ZFAND3: variants seen among roughly 807,000 people sequenced by gnomAD.
The protein encoded by ZFAND3 is AN1-type zinc finger protein 3.
Under a neutral mutation model 29.6 loss-of-function variants are expected in ZFAND3, and 10 were observed. The observed-to-expected ratio is 0.34, with a 90% CI of 0.21 to 0.57. The LOEUF (loss-of-function observed/expected upper bound fraction) is 0.57, where lower values mean the gene tolerates loss of function less well. ZFAND3 is among the 20% of genes least tolerant of loss of function. The pLI is 0.86. For synonymous variants in ZFAND3, 128 were observed against 112.6 expected, an observed-to-expected ratio of 1.14 and a Z score of -0.87; for missense variants, 230 against 304.5, an observed-to-expected ratio of 0.76 and a Z score of 1.82.
chr6:38,061,516 T>C, intron 2 of ZFAND3, 77 bp from the exon 3 acceptor site: 1 of 1,544,880 alleles, frequency 6.5e-7, no homozygotes, highest in East Asian at 2.3e-5. Context: ...ATTTAATTTT[T>C]GTACCAACTT....
At chr6:38,120,272 T>A (rs1445125672) in intron 5 of ZFAND3, among the ~76,000 whole-genome samples, 9 of 148,982 alleles carry the variant, frequency 6.0e-5, no homozygotes, top group African/African-American at 2.0e-4. Flanking sequence ...GCCACAAGAA[T>A]GCCGTCTTCT....
Position 38,064,982 on chromosome 6 carries a change from T to G in ZFAND3, c.295+3207T>G, listed in dbSNP as rs1764314239. On this transcript the variant is annotated intron_variant, in intron 3 of 5. Coordinates refer to ENST00000287218, the MANE Select transcript of ZFAND3 (RefSeq NM_021943.3). ...CTTCATCCACATGGAGATGATAGTT[T>G]AAGCCATAGGTGTTAAGTGAGGTTG... is the stretch of plus-strand genomic sequence containing the variant. Among the ~76,000 whole-genome samples the G allele has an allele frequency of 2.0e-5, 3 of 152,246 alleles. No homozygotes were observed. The South Asian group carries it at 6.2e-4, about 32-fold the overall frequency.
chr6:38,022,897 C>T (rs771050629), intron 2 of ZFAND3, among the ~76,000 whole-genome samples: 15 of 152,196 alleles, frequency 9.9e-5, no homozygotes, highest in Non-Finnish European at 1.9e-4. Flanking sequence ...TAGTATAGTT[C>T]AGCCACTAGC....
At chr6:37,977,867 C>CCTTCCTTCCTTCCTTCCTTCCTTT (rs1762513806) in intron 2 of ZFAND3, among the ~76,000 whole-genome samples, 1 of 134,146 alleles carries the variant, frequency 7.5e-6, no homozygotes, top group Non-Finnish European at 1.6e-5. Context: ...TTCCTTCCTT[C>CCTTCCTTCCTTCCTTCCTTCCTTT]CTTTCCTTCT....
chr6:38,114,773 T>A (rs1765385105), intron 4 of ZFAND3, among the ~76,000 whole-genome samples: 1 of 152,204 alleles, frequency 6.6e-6, no homozygotes, highest in African/African-American at 2.4e-5. Context: ...GGCTGTGGCT[T>A]CTCACTAGAG....
rs542619614 is a variant in ZFAND3 at position 37,895,013 on chromosome 6, T to A, written c.72-34946T>A. Among the ~76,000 whole-genome samples the A allele has an allele frequency of 1.4e-4, 22 of 152,274 alleles. No individual in the cohort carries two copies. In the South Asian group the frequency reaches 4.6e-3, roughly 32 times the overall value. ...TTCTTTGTATTTTTTGTGTTTAGTTTTGTAGAGATTTTTGGATCAAAGGGC... is the reference window on the plus strand; with the variant it reads ...TTCTTTGTATTTTTTGTGTTTAGTTATGTAGAGATTTTTGGATCAAAGGGC... On this transcript the variant is annotated intron_variant, in intron 1 of 5. Transcript: ENST00000287218.
chr6:38,034,115 T>A (rs1763613907), intron 2 of ZFAND3, among the ~76,000 whole-genome samples: 1 of 152,198 alleles, frequency 6.6e-6, no homozygotes, highest in Non-Finnish European at 1.5e-5. Flanking sequence ...CTCAGCTTTT[T>A]AAGAAAAGCC....
intron 1 of ZFAND3, among the ~76,000 whole-genome samples, chr6:37,873,849 C>T (rs1305493294): frequency 1.3e-5 from 2 of 152,084 alleles, no homozygotes; most frequent in South Asian, 2.1e-4. Flanking sequence ...AATACATAAA[C>T]GAATAAGGAA....
intron 1 of ZFAND3, among the ~76,000 whole-genome samples, chr6:37,904,285 G>A (rs1284069042): frequency 6.6e-6 from 1 of 152,134 alleles, no homozygotes; most frequent in East Asian, 1.9e-4. Flanking sequence ...CAGAAGTACC[G>A]TTTTAGAAGG....
chr6:38,003,673 G>GT (rs146304338), intron 2 of ZFAND3: 63,812 of 277,688 alleles, frequency 0.23, 3,125 homozygotes, highest in Non-Finnish European at 0.27. Context: ...TAATTTTTGT[G>GT]TTTTTTTTTT....
At chr6:38,055,172 C>A (rs1004343508) in intron 2 of ZFAND3, among the ~76,000 whole-genome samples, 1 of 152,118 alleles carries the variant, frequency 6.6e-6, no homozygotes, top group Non-Finnish European at 1.5e-5. Context: ...GAAACAAAAA[C>A]CCCTGGCAAC....
At chr6:37,995,074 A>G (rs1398758206) in intron 2 of ZFAND3, among the ~76,000 whole-genome samples, 3 of 152,200 alleles carry the variant, frequency 2.0e-5, no homozygotes, top group Admixed American at 1.3e-4. Flanking sequence ...TTGGGGATAA[A>G]AGCAGAAAGG....
Position 38,153,560 on chromosome 6 carries a change from C to T in ZFAND3, c.*1171C>T, listed in dbSNP as rs530563017. 1.2e-4 allele frequency: 116 copies of T among 985,480 alleles called. No individual in the cohort carries two copies. The highest frequency in any genetic ancestry group is 1.0e-3 in the Middle Eastern group (2 of 1,914). 61.0% of individuals were successfully genotyped at this position (985,480 alleles called of 1,614,324 possible). A position where few individuals can be genotyped will look rare whatever the true frequency, so the allele number is the denominator to read the frequency against. ...GCGGTTTGTGGCTGTGGCCCAGCTC[C>T]GAGAGTGATATTTGCTCTGGTAGGT... is the stretch of plus-strand genomic sequence containing the variant. On this transcript the variant is annotated 3_prime_UTR_variant, in exon 6 of 6. Coordinates refer to ENST00000287218, the MANE Select transcript of ZFAND3 (RefSeq NM_021943.3).
chr6:37,853,501 T>G (rs1384616547), intron 1 of ZFAND3, among the ~76,000 whole-genome samples: 1 of 151,564 alleles, frequency 6.6e-6, no homozygotes, highest in African/African-American at 2.4e-5. Flanking sequence ...CCAGTAACTC[T>G]TACTACTAGA....
intron 3 of ZFAND3, among the ~76,000 whole-genome samples, chr6:38,072,412 A>C (rs1171786459): frequency 6.6e-6 from 1 of 152,188 alleles, no homozygotes; most frequent in Non-Finnish European, 1.5e-5. Context: ...CTAGATTTTC[A>C]AGCAACATCA....
chr6:38,030,024 A>G (rs1385679828), intron 2 of ZFAND3, among the ~76,000 whole-genome samples: 1 of 119,926 alleles, frequency 8.3e-6, no homozygotes, highest in Admixed American at 8.5e-5. Context: ...AACTTTCTTT[A>G]GCATTTCTTG....
rs1763373708 is a variant in ZFAND3 at position 38,022,694 on chromosome 6, TGA to T, written c.113-38897_113-38896del. Among the ~76,000 whole-genome samples, 3 of 152,354 alleles carry T rather than the reference TGA, an allele frequency of 2.0e-5. No individual in the cohort carries two copies. The South Asian group carries it at 6.2e-4, about 32-fold the overall frequency. ...AATGGGGTACAGACTTGATTTTGTT[TGA>T]GTCTAAAGACTTTAACCTTGCTTTT... On this transcript the variant is annotated intron_variant, in intron 2 of 5. Coordinates refer to ENST00000287218, the MANE Select transcript of ZFAND3 (RefSeq NM_021943.3).
At chr6:37,894,996 A>C (rs1401866947) in intron 1 of ZFAND3, among the ~76,000 whole-genome samples, 1 of 151,860 alleles carries the variant, frequency 6.6e-6, no homozygotes, top group Non-Finnish European at 1.5e-5. Flanking sequence ...TTTTCTTTGT[A>C]TTTTTTGTGT....
chr6:37,927,219 C>T (rs983028179), intron 1 of ZFAND3, among the ~76,000 whole-genome samples: 1 of 152,146 alleles, frequency 6.6e-6, no homozygotes, highest in East Asian at 1.9e-4. Context: ...GGCCATTTTG[C>T]CATTTTTTTA....
Sources: gnomAD v4.1 joint callset for allele counts (sites outside exome capture counted in the v4.1 genomes callset) on GRCh38, gnomAD v4.1.1 for gene constraint, MANE v1.5 for transcripts, NCBI Gene and HGNC (gene_info 2026-07-23, HGNC 2026-07-21) for gene names.